BAZ2B: variants seen among roughly 807,000 people sequenced by gnomAD.
The protein encoded by BAZ2B is bromodomain adjacent to zinc finger domain 2B, also known as bromodomain adjacent to zinc finger domain protein 2B.
BAZ2B carries 91 observed loss-of-function variants against 246.0 expected under a neutral mutation model. The observed-to-expected ratio is 0.37, with a 90% CI of 0.31 to 0.44. The LOEUF is 0.44. Ranked by LOEUF, BAZ2B falls within the 20% of genes least tolerant of loss-of-function variation. The pLI is 1.00. For missense variants in BAZ2B, 2,332 were observed against 2,533.7 expected (o/e 0.92, Z 1.71); for synonymous variants, 855 against 860.0 (o/e 0.99, Z 0.10).
rs1229687982 is a variant in BAZ2B at position 159,542,486 on chromosome 2, A to C, written c.-3+13337T>G. On this transcript the variant is annotated intron_variant, in intron 2 of 36. Coordinates refer to ENST00000392783, the MANE Select transcript of BAZ2B (RefSeq NM_013450.4). Reference sequence around the variant, plus strand: ...TGTACAAGGAATCTTCAATAAGATTAATAAGCCAGGTGTGCCGGTACATGC... The same window carrying C: ...TGTACAAGGAATCTTCAATAAGATTCATAAGCCAGGTGTGCCGGTACATGC... Among the ~76,000 whole-genome samples the C allele has an allele frequency of 1.4e-4, 21 of 152,312 alleles. No individual in the cohort carries two copies. The East Asian group carries it at 2.5e-3, about 18-fold the overall frequency.
chr2:159,325,591 G>C, intron 35 of BAZ2B, 62 bp downstream of exon 35: 1 of 1,498,640 alleles, frequency 6.7e-7, no homozygotes, highest in South Asian at 1.3e-5. Flanking sequence ...TATGGTAAAA[G>C]GTTTCTAAAC....
intron 35 of BAZ2B, 77 bp from the exon 36 acceptor site, chr2:159,325,031 ATTATATATATATT>A (rs2063262669): frequency 7.9e-5 from 4 of 50,828 alleles, no homozygotes; most frequent in African/African-American, 4.4e-4. Context: ...GCTTTCAGTT[ATTATATATATATT>A]ATATATATAT....
At chr2:159,327,055 C>CTTTT (rs67194703) in intron 34 of BAZ2B, among the ~76,000 whole-genome samples, 3,431 of 142,876 alleles carry the variant, frequency 0.024, 107 homozygotes, top group Non-Finnish European at 0.034. Flanking sequence ...TGGCTGCAAT[C>CTTTT]TTTTTTTTTT....
the BAZ2B span, among the ~76,000 whole-genome samples, chr2:159,675,362 A>G: frequency 6.6e-6 from 1 of 152,120 alleles, no homozygotes; most frequent in Non-Finnish European, 1.5e-5. Context: ...AAATCCTCTG[A>G]TTCCTGAATC....
the BAZ2B span, chr2:159,689,660 C>T: frequency 3.2e-6 from 1 of 316,542 alleles, no homozygotes; most frequent in South Asian, 3.1e-5. Context: ...GCATGAGCCA[C>T]TGTTCCTGGC....
intron 3 of BAZ2B, among the ~76,000 whole-genome samples, chr2:159,472,624 T>C (rs1236120327): frequency 6.6e-6 from 1 of 152,244 alleles, no homozygotes; most frequent in East Asian, 1.9e-4. Flanking sequence ...TGTGGGTCTG[T>C]AATAAATAGC....
At chr2:159,366,922 G>A (rs2060277785) in intron 27 of BAZ2B, among the ~76,000 whole-genome samples, 1 of 152,098 alleles carries the variant, frequency 6.6e-6, no homozygotes, top group South Asian at 2.1e-4. Context: ...GTCAGGGGGT[G>A]GACTGAGAAG....
At chr2:159,393,993 C>G (rs2063666105) in intron 20 of BAZ2B, among the ~76,000 whole-genome samples, 1 of 152,126 alleles carries the variant, frequency 6.6e-6, no homozygotes, top group Non-Finnish European at 1.5e-5. Flanking sequence ...TGATCTCATT[C>G]TTACTATTTT....
In BAZ2B at chr2:159,348,688, C is replaced by A. The variant is rs768935302; in HGVS notation, c.5283G>T (p.Lys1761Asn). 4.4e-5 allele frequency: 71 copies of A among 1,597,880 alleles called. No homozygotes were observed. Among genetic ancestry groups the A allele is most frequent in the Non-Finnish European group, 5.7e-5 (67 of 1,175,996 alleles). Residue 1761 changes from lysine to asparagine, a missense_variant, in exon 30 of 37, where the codon AAG becomes AAT. Around this residue, in one of 9 missense-constraint regions of BAZ2B, gnomAD observed 676 missense variants for 668.6 expected, o/e 1.01. Transcript: ENST00000392783. ...HLDYITQACL[K>N]NKDVAIIELN... is the part of the protein sequence containing the mutation. ...CTTTTAGGTACACACCATCCTTATT[C>A]TTGAGGCAGGCTTGAGTAATATAAT...
chr2:159,471,359 C>T (rs10203503), intron 3 of BAZ2B, among the ~76,000 whole-genome samples: 118,834 of 152,090 alleles, frequency 0.78, 47,061 homozygotes, highest in Non-Finnish European at 0.86. Flanking sequence ...CCCAACACTT[C>T]GGGAGGCTGA....
chr2:159,394,858 A>T (rs1051938883), intron 20 of BAZ2B, among the ~76,000 whole-genome samples: 1 of 152,186 alleles, frequency 6.6e-6, no homozygotes, highest in African/African-American at 2.4e-5. Flanking sequence ...CTGGAAAGTA[A>T]TGAAACCAGA....
intron 1 of BAZ2B, among the ~76,000 whole-genome samples, chr2:159,601,046 G>A (rs1692009979): frequency 6.6e-6 from 1 of 152,124 alleles, no homozygotes; most frequent in African/African-American, 2.4e-5. Flanking sequence ...CAGGGAAACT[G>A]CTAAAATCGA....
chr2:159,448,025 G>A (rs2074499096), intron 5 of BAZ2B, among the ~76,000 whole-genome samples: 1 of 152,132 alleles, frequency 6.6e-6, no homozygotes, highest in Non-Finnish European at 1.5e-5. Context: ...TTGGGAGGCT[G>A]AGGCAGGAGG....
chr2:159,467,986 A>G (rs1193354047), intron 3 of BAZ2B, among the ~76,000 whole-genome samples: 1 of 152,206 alleles, frequency 6.6e-6, no homozygotes, highest in East Asian at 1.9e-4. Flanking sequence ...CTCAAAATGT[A>G]AAGGGGAAAT....
At chr2:159,582,183 TTTAA>T (rs1401035490) in intron 1 of BAZ2B, among the ~76,000 whole-genome samples, 9 of 152,304 alleles carry the variant, frequency 5.9e-5, no homozygotes, top group African/African-American at 2.2e-4. Flanking sequence ...AGAATGCATA[TTTAA>T]TTAGATTTTA....
At chr2:159,484,777 T>C (rs1216325134) in intron 2 of BAZ2B, among the ~76,000 whole-genome samples, 1 of 152,172 alleles carries the variant, frequency 6.6e-6, no homozygotes, top group Admixed American at 6.5e-5. Context: ...ATTAGTTCCC[T>C]GTGTTTCAGG....
chr2:159,639,456 C>A, the BAZ2B span, among the ~76,000 whole-genome samples: 7 of 151,948 alleles, frequency 4.6e-5, no homozygotes, highest in Non-Finnish European at 1.0e-4. Context: ...ATAAAACAAT[C>A]AAAAATAATA....
chr2:159,330,157 TA>T (rs2064478710), intron 34 of BAZ2B, among the ~76,000 whole-genome samples: 1 of 152,120 alleles, frequency 6.6e-6, no homozygotes, highest in Non-Finnish European at 1.5e-5. Context: ...GTCTAAAATA[TA>T]AAATACTAAA....
chr2:159,691,514 C>T, the BAZ2B span, among the ~76,000 whole-genome samples: 1 of 152,086 alleles, frequency 6.6e-6, no homozygotes, highest in African/African-American at 2.4e-5. Context: ...TTTACTGATA[C>T]TGTAAGTTTA....
Sources: allele counts gnomAD v4.1 joint callset (sites outside exome capture counted in the v4.1 genomes callset), GRCh38; gene constraint gnomAD v4.1.1; regional missense constraint gnomAD v4.1.1; transcripts MANE v1.5; gene names NCBI Gene and HGNC (gene_info 2026-07-23, HGNC 2026-07-21).